The following MED16 variants were observed in gnomAD, a reference collection of about 807,000 sequenced individuals.
MED16 encodes the protein mediator complex subunit 16, also known as mediator of RNA polymerase II transcription subunit 16.
Under a neutral mutation model 84.4 loss-of-function variants are expected in MED16, and 81 were observed. The ratio of observed to expected loss-of-function variants is 0.96; its 90% CI spans 0.80 to 1.15. MED16 has a LOEUF of 1.15. Among genes scored for constraint, MED16 ranks in the 50% most tolerant of loss-of-function variants. The probability of loss-of-function intolerance (pLI) is 0.00; values close to 1 mark genes in which losing one functional copy is unlikely to be tolerated. For synonymous variants in MED16, 897 were observed against 552.2 expected, an observed-to-expected ratio of 1.62 and a Z score of -8.76; for missense variants, 1,585 against 1,245.9, an observed-to-expected ratio of 1.27 and a Z score of -4.10.
chr19:873,870 C>T (rs2036162654), intron 10 of MED16, among the ~76,000 whole-genome samples: 2 of 152,168 alleles, frequency 1.3e-5, no homozygotes, highest in African/African-American at 4.8e-5. Flanking sequence ...AGTGCTCAGG[C>T]CCGGCCTGCT....
At chr19:868,758 C>T in intron 14 of MED16, 105 bp downstream of exon 14, 1 of 1,275,096 alleles carries the variant, frequency 7.8e-7, no homozygotes, top group Non-Finnish European at 1.1e-6. Flanking sequence ...GGACGTGCTC[C>T]CTCCACCACC....
chr19:886,049 C>G lies in MED16; in HGVS notation c.600G>C (p.Leu200=). 1.3e-6 allele frequency: 2 copies of G among 1,596,840 alleles called. No homozygotes were observed. Among genetic ancestry groups the G allele is most frequent in the Non-Finnish European group, 1.7e-6 (2 of 1,175,388 alleles). The change falls in exon 5 of 16, where the codon CTG becomes CTC. Residue 200 remains leucine, a synonymous_variant. Transcript: ENST00000325464. ...VSLLKPSGQV[L]TSTESLCRLR... ...GCCGGCACAGGCTCTCGGTGGACGT[C>G]AGCACCTGCCCGCTGGGCTTCAGCA...
At chr19:878,903 G>A (rs1386712612) in intron 8 of MED16, among the ~76,000 whole-genome samples, 1 of 121,638 alleles carries the variant, frequency 8.2e-6, no homozygotes, top group Non-Finnish European at 1.6e-5. Context: ...TTCCCTGGTT[G>A]TCAATGTCCA....
chr19:870,329 G>A (rs956079885), intron 13 of MED16, among the ~76,000 whole-genome samples: 1 of 152,150 alleles, frequency 6.6e-6, no homozygotes, highest in African/African-American at 2.4e-5. Context: ...GGGAGGGCGA[G>A]GCAGGTGGAT....
Position 877,100 on chromosome 19 carries a change from C to G in MED16, c.1434G>C (p.Leu478=), listed in dbSNP as rs1321724499. The part of the protein sequence containing the change: ...GLALRHLLFL[L]EYCMVTGYDW... ...CGTAGCCGGTCACCATGCAGTACTCCAGCAGGAAGAGCAGGTGCCGCAGCG... is the reference window on the plus strand; with the variant it reads ...CGTAGCCGGTCACCATGCAGTACTCGAGCAGGAAGAGCAGGTGCCGCAGCG... Residue 478 remains leucine, a synonymous_variant, in exon 9 of 16, where the codon CTG becomes CTC. Transcript: ENST00000325464. The G allele has an allele frequency of 6.2e-7, 1 of 1,612,690 alleles. No homozygotes were observed. The highest frequency in any genetic ancestry group is 1.7e-5 in the Admixed American group (1 of 60,008).
chr19:873,622 TAC>T (rs775633263), intron 10 of MED16, 40 bp from the exon 11 acceptor site: 1 of 1,607,992 alleles, frequency 6.2e-7, no homozygotes, highest in South Asian at 1.1e-5. Flanking sequence ...GGGCCTCTTG[TAC>T]ACACAGGGTG....
chr19:872,915 CAG>C (rs1491429283), intron 11 of MED16: 1 of 1,027,378 alleles, frequency 9.7e-7, no homozygotes, highest in Non-Finnish European at 1.2e-6. Flanking sequence ...CTTCTTACAG[CAG>C]AGGCTTCATG....
intron 2 of MED16, 36 bp from the exon 3 acceptor site, chr19:890,280 C>A: frequency 7.2e-7 from 1 of 1,390,890 alleles, no homozygotes. Flanking sequence ...CGGCCTGGCA[C>A]CACAGCCTGC....
chr19:872,204 A>T, intron 11 of MED16, 86 bp from the exon 12 acceptor site: 1 of 1,171,046 alleles, frequency 8.5e-7, no homozygotes, highest in Non-Finnish European at 1.2e-6. Context: ...TGGAACCCCG[A>T]CCGGGGGGCA....
intron 8 of MED16, among the ~76,000 whole-genome samples, chr19:877,416 G>C (rs941658430): frequency 1.3e-5 from 2 of 152,110 alleles, no homozygotes; most frequent in Non-Finnish European, 2.9e-5. Context: ...ACTGGATGCC[G>C]AGCCAGGCTT....
rs1006488794 is a variant in MED16 at position 872,195 on chromosome 19, G to A, written c.1906-77C>T. On this transcript the variant is annotated intron_variant, in intron 11 of 15. Coordinates refer to ENST00000325464, the MANE Select transcript of MED16 (RefSeq NM_005481.3). ...TGGGATGAAGTGTCTTGGGGTCGGTGGAACCCCGACCGGGGGGCAATGGGC... is the reference window on the plus strand; with the variant it reads ...TGGGATGAAGTGTCTTGGGGTCGGTAGAACCCCGACCGGGGGGCAATGGGC... 2.0e-5 allele frequency: 26 copies of A among 1,317,592 alleles called. No individual in the cohort carries two copies. In the South Asian group the frequency reaches 3.0e-4, roughly 15 times the overall value. 81.6% of individuals were successfully genotyped at this position (1,317,592 alleles called of 1,614,324 possible). A position where few individuals can be genotyped will look rare whatever the true frequency, so the allele number is the denominator to read the frequency against.
chr19:868,347 G>GAGGAGTAGCTGAGGGGCAGCTGGGCTC, intron 15 of MED16, 69 bp downstream of exon 15: 5 of 1,591,436 alleles, frequency 3.1e-6, no homozygotes, highest in Non-Finnish European at 4.3e-6. Flanking sequence ...AGGGGTAGCT[G>GAGGAGTAGCTGAGGGGCAGCTGGGCTC]AGGAGTAGCT....
intron 12 of MED16, 27 bp from the exon 13 acceptor site, chr19:871,280 A>T (rs1402532382): frequency 6.6e-7 from 1 of 1,520,026 alleles, no homozygotes; most frequent in African/African-American, 1.4e-5. Flanking sequence ...CGGAAGTCTC[A>T]GCACCCCTGA....
intron 5 of MED16, 26 bp from the exon 6 acceptor site, chr19:885,034 T>C (rs1599340051): frequency 6.4e-7 from 1 of 1,554,444 alleles, no homozygotes. Context: ...GGGTGAGGGC[T>C]GACCCGGCAC....
chr19:871,565 A>G, intron 12 of MED16: 1 of 1,593,726 alleles, frequency 6.3e-7, no homozygotes, highest in Non-Finnish European at 8.5e-7. Context: ...CACCCTCCTC[A>G]CATACACACA....
In MED16 at chr19:868,399, A is replaced by G. The variant is rs751954533; in HGVS notation, c.2483+17T>C. The G allele has an allele frequency of 6.2e-7, 1 of 1,608,234 alleles. No homozygotes were observed. Among genetic ancestry groups the G allele is most frequent in the Admixed American group, 1.7e-5 (1 of 59,882 alleles). ...CAGGGGTAGCTGAGGGGCACCCGCC[A>G]CCAGAGCCCACCGCACAGGCAGTTC... On this transcript the variant is annotated intron_variant, in intron 15 of 15. Coordinates refer to ENST00000325464, the MANE Select transcript of MED16 (RefSeq NM_005481.3).
chr19:887,124 A>G (rs1333714083), intron 4 of MED16, among the ~76,000 whole-genome samples: 1 of 152,118 alleles, frequency 6.6e-6, no homozygotes, highest in Non-Finnish European at 1.5e-5. Flanking sequence ...CTACGTTGTG[A>G]AAAAATGCGA....
chr19:892,041 G>T (rs1015656477), intron 1 of MED16, among the ~76,000 whole-genome samples: 1 of 149,432 alleles, frequency 6.7e-6, no homozygotes, highest in Non-Finnish European at 1.5e-5. Flanking sequence ...GGCTGAGTGT[G>T]TTGGGGAACA....
chr19:887,089 A>C (rs1599342858), intron 4 of MED16, among the ~76,000 whole-genome samples: 1 of 151,814 alleles, frequency 6.6e-6, no homozygotes, highest in East Asian at 1.9e-4. Context: ...CAAAAACAAA[A>C]AAAAAAAGAA....
Sources: gnomAD v4.1 joint callset for allele counts (sites outside exome capture counted in the v4.1 genomes callset) on GRCh38, gnomAD v4.1.1 for gene constraint, MANE v1.5 for transcripts, NCBI Gene and HGNC (gene_info 2026-07-23, HGNC 2026-07-21) for gene names.